CNTNAP2: variants seen among roughly 807,000 people sequenced by gnomAD.
CNTNAP2 encodes the protein contactin associated protein 2.
In CNTNAP2, 98 loss-of-function variants were observed where a neutral mutation model predicts 155.2. The observed-to-expected ratio is 0.63, with a 90% CI of 0.54 to 0.75. CNTNAP2 has a LOEUF of 0.75. Ranked by LOEUF, CNTNAP2 falls within the 30% of genes least tolerant of loss-of-function variation. The pLI is 0.00. For missense variants in CNTNAP2, 1,727 were observed against 1,688.1 expected, an observed-to-expected ratio of 1.02 and a Z score of -0.40; for synonymous variants, 651 against 631.2, an observed-to-expected ratio of 1.03 and a Z score of -0.47.
At chr7:148,329,867 C>T (rs77225056) in intron 21 of CNTNAP2, among the ~76,000 whole-genome samples, 24,514 of 152,202 alleles carry the variant, frequency 0.16, 2,209 homozygotes, top group South Asian at 0.32. Flanking sequence ...ATGCACACCC[C>T]CCGGGCCAGG....
intron 1 of CNTNAP2, among the ~76,000 whole-genome samples, chr7:146,498,810 G>T (rs1325951361): frequency 1.3e-5 from 2 of 152,044 alleles, no homozygotes; most frequent in Admixed American, 1.3e-4. Flanking sequence ...ATTTAAAGAG[G>T]GAAAAGTAAC....
intron 22 of CNTNAP2, among the ~76,000 whole-genome samples, chr7:148,404,986 G>A (rs949754373): frequency 6.6e-6 from 1 of 152,128 alleles, no homozygotes; most frequent in Non-Finnish European, 1.5e-5. Flanking sequence ...GGTTTTTATG[G>A]TTACAGGACT....
intron 21 of CNTNAP2, among the ~76,000 whole-genome samples, chr7:148,375,999 CA>C (rs541531228): frequency 4.5e-4 from 22 of 48,602 alleles, no homozygotes; most frequent in Non-Finnish European, 6.1e-4. Context: ...GACTCCATCT[CA>C]AAAAAAAAAA....
chr7:146,172,774 T>G (rs1798413508), intron 1 of CNTNAP2, among the ~76,000 whole-genome samples: 1 of 152,208 alleles, frequency 6.6e-6, no homozygotes, highest in Non-Finnish European at 1.5e-5. Context: ...ATTCTCAGTT[T>G]AAGAACTCTT....
At chr7:147,616,897 T>G (rs1801303940) in intron 12 of CNTNAP2, among the ~76,000 whole-genome samples, 1 of 152,160 alleles carries the variant, frequency 6.6e-6, no homozygotes, top group Non-Finnish European at 1.5e-5. Context: ...ATTGAAGATG[T>G]TCTTGAGTTT....
chr7:147,088,946 A>G (rs1203041503), intron 4 of CNTNAP2, among the ~76,000 whole-genome samples: 1 of 152,098 alleles, frequency 6.6e-6, no homozygotes, highest in Non-Finnish European at 1.5e-5. Context: ...GCTGTCTCCA[A>G]ATAAATAAAT....
rs543898251 is a variant in CNTNAP2, at chr7:146,901,411, C to T, written c.402+61507C>T. 2.6e-5 allele frequency among the ~76,000 whole-genome samples: 4 copies of T among 152,224 alleles called. No homozygotes were observed. In the East Asian group the frequency reaches 7.7e-4, roughly 29 times the overall value. On this transcript the variant is annotated intron_variant, in intron 3 of 23. Transcript: ENST00000361727. ...TAAAATAGCTTTCTGTATAATTTCTCAGATATTATGAATACATGGATGAAT... is the reference window on the plus strand; with the variant it reads ...TAAAATAGCTTTCTGTATAATTTCTTAGATATTATGAATACATGGATGAAT...
chr7:147,425,489 A>G (rs1797364194), intron 10 of CNTNAP2, among the ~76,000 whole-genome samples: 1 of 152,040 alleles, frequency 6.6e-6, no homozygotes, highest in South Asian at 2.1e-4. Flanking sequence ...AAAACCCCAA[A>G]GTGCAGAGAC....
At chr7:146,721,249 T>TAC (rs1563203319) in intron 1 of CNTNAP2, among the ~76,000 whole-genome samples, 6 of 121,184 alleles carry the variant, frequency 5.0e-5, no homozygotes, top group African/African-American at 2.0e-4. Flanking sequence ...TCTCTCTATA[T>TAC]TCTCTATATA....
intron 9 of CNTNAP2, among the ~76,000 whole-genome samples, chr7:147,353,973 C>T (rs1020985958): frequency 1.4e-5 from 1 of 73,200 alleles, no homozygotes; most frequent in African/African-American, 8.0e-5. Context: ...CCTTCGCCCA[C>T]TTTTTGATGT....
At chr7:148,409,842 G>A (rs2116715890) in intron 23 of CNTNAP2, among the ~76,000 whole-genome samples, 1 of 94,132 alleles carries the variant, frequency 1.1e-5, no homozygotes, top group South Asian at 3.9e-4. Flanking sequence ...ACAAGGTCAG[G>A]AGATCGAGAC....
At chr7:146,162,309 A>G (rs1373789792) in intron 1 of CNTNAP2, among the ~76,000 whole-genome samples, 1 of 152,162 alleles carries the variant, frequency 6.6e-6, no homozygotes, top group Non-Finnish European at 1.5e-5. Flanking sequence ...CAAATTTACA[A>G]GAAAAAATCA....
At position 148,110,949 on chromosome 7, in the gene CNTNAP2, A is replaced by C. The variant is rs117187508; in HGVS notation, c.2384-7169A>C. Among the ~76,000 whole-genome samples, 259 of 152,332 alleles carry C rather than the reference A, an allele frequency of 1.7e-3. 2 individuals carry two copies. Among genetic ancestry groups the C allele is most frequent in the Admixed American group, 5.0e-3 (77 of 15,302 alleles). Reference sequence around the variant, plus strand: ...ACTGAGCAACAGACATATATTCCTCATGAGGAAAGTAGCGGATTCTTCTCT... The same window carrying C: ...ACTGAGCAACAGACATATATTCCTCCTGAGGAAAGTAGCGGATTCTTCTCT... On this transcript the variant is annotated intron_variant, in intron 15 of 23. Coordinates refer to ENST00000361727, the MANE Select transcript of CNTNAP2 (RefSeq NM_014141.6).
intron 13 of CNTNAP2, among the ~76,000 whole-genome samples, chr7:147,738,659 TTTA>T (rs749979118): frequency 0.031 from 1,946 of 62,720 alleles, 66 homozygotes; most frequent in East Asian, 0.13. Context: ...ACTTTTTTTT[TTTA>T]TTTTTTTTTT....
intron 14 of CNTNAP2, among the ~76,000 whole-genome samples, chr7:147,924,860 G>T (rs1416559357): frequency 6.6e-6 from 1 of 152,042 alleles, no homozygotes; most frequent in Admixed American, 6.6e-5. Flanking sequence ...GCGCACACCT[G>T]TAATCCCAGC....
chr7:146,650,456 C>T (rs1170199108), intron 1 of CNTNAP2, among the ~76,000 whole-genome samples: 2 of 152,032 alleles, frequency 1.3e-5, no homozygotes, highest in South Asian at 4.1e-4. Flanking sequence ...GAAAACCAAA[C>T]ACCACATGTT....
intron 1 of CNTNAP2, among the ~76,000 whole-genome samples, chr7:146,167,977 A>C (rs2116813348): frequency 6.6e-6 from 1 of 152,276 alleles, no homozygotes; most frequent in African/African-American, 2.4e-5. Context: ...GAAAAGCTGA[A>C]GAACTTGACA....
chr7:146,461,118 A>T (rs938027831), intron 1 of CNTNAP2, among the ~76,000 whole-genome samples: 3 of 152,072 alleles, frequency 2.0e-5, no homozygotes, highest in African/African-American at 7.2e-5. Context: ...TAATACCTTA[A>T]TAAGGCTGGG....
At chr7:147,951,431 T>C (rs1250547112) in intron 14 of CNTNAP2, among the ~76,000 whole-genome samples, 2 of 152,222 alleles carry the variant, frequency 1.3e-5, no homozygotes, top group African/African-American at 4.8e-5. Context: ...AACCTCCGTA[T>C]AATCAAGCAC....
Sources: allele counts gnomAD v4.1 joint callset (sites outside exome capture counted in the v4.1 genomes callset), GRCh38; gene constraint gnomAD v4.1.1; transcripts MANE v1.5; gene names NCBI Gene and HGNC (gene_info 2026-07-23, HGNC 2026-07-21).